PPP6R2: variants seen among roughly 807,000 people sequenced by gnomAD.
PPP6R2 encodes serine/threonine-protein phosphatase 6 regulatory subunit 2.
A neutral mutation model predicts 100.2 loss-of-function variants in PPP6R2; 62 were observed. That is an observed-to-expected ratio of 0.62 (90% CI 0.50 to 0.76). The LOEUF (loss-of-function observed/expected upper bound fraction) is 0.76, where lower values mean the gene tolerates loss of function less well. PPP6R2 is among the 30% of genes least tolerant of loss of function. PPP6R2 has a pLI of 0.00. For missense variants in PPP6R2, 1,142 were observed against 1,276.3 expected (o/e 0.89, Z 1.60); for synonymous variants, 525 against 514.7 (o/e 1.02, Z -0.27).
intron 7 of PPP6R2, 130 bp downstream of exon 7, chr22:50,419,109 C>G: frequency 1.2e-6 from 1 of 823,688 alleles, no homozygotes; most frequent in South Asian, 1.6e-5. Context: ...ACCCCAGGTT[C>G]AGAGCCCATG....
chr22:50,377,452 T>TAATA (rs10672674), intron 2 of PPP6R2, among the ~76,000 whole-genome samples: 45,563 of 151,398 alleles, frequency 0.3, 7,149 homozygotes, highest in South Asian at 0.44. Context: ...TCAATAATAA[T>TAATA]AATAATAATT....
At chr22:50,349,626 G>C (rs1373757268) in intron 1 of PPP6R2, among the ~76,000 whole-genome samples, 1 of 152,034 alleles carries the variant, frequency 6.6e-6, no homozygotes, top group Non-Finnish European at 1.5e-5. Context: ...AGGAATTCGA[G>C]ACCAGCCTGG....
At chr22:50,355,142 C>G (rs2046195549) in intron 1 of PPP6R2, among the ~76,000 whole-genome samples, 1 of 151,876 alleles carries the variant, frequency 6.6e-6, no homozygotes. Context: ...TTTGCCTGGC[C>G]CAGGATTTCA....
At chr22:50,359,217 C>CTTT (rs368586121) in intron 1 of PPP6R2, among the ~76,000 whole-genome samples, 5 of 129,178 alleles carry the variant, frequency 3.9e-5, no homozygotes, top group Admixed American at 8.0e-5. Context: ...CCAGGCTGGT[C>CTTT]TTTTTTTTTT....
At position 50,371,320 on chromosome 22, in the gene PPP6R2, G is replaced by A. The variant is rs150413877; in HGVS notation, c.-147-700G>A. 6.0e-3 allele frequency among the ~76,000 whole-genome samples: 917 copies of A among 152,016 alleles called. 5 individuals carry two copies. Among genetic ancestry groups the A allele is most frequent in the South Asian group, 0.017 (80 of 4,818 alleles). ...TGAACTGGGTGTCTGCACTAAGTTC[G>A]GCATCAGTATGGTGACCTCCCAGAA... On this transcript the variant is annotated intron_variant, in intron 1 of 23. Transcript: ENST00000612753.
At chr22:50,335,925 C>G in the PPP6R2 span, among the ~76,000 whole-genome samples, 1 of 147,342 alleles carries the variant, frequency 6.8e-6, no homozygotes, top group African/African-American at 2.6e-5. Flanking sequence ...ATCCGCCTGC[C>G]TTGGCCTCCC....
chr22:50,342,219 G>C (rs559581228), upstream of PPP6R2, among the ~76,000 whole-genome samples: 27 of 152,340 alleles, frequency 1.8e-4, no homozygotes, highest in African/African-American at 6.0e-4. Flanking sequence ...ATAGCCTGCT[G>C]AACGCAGGGT....
the PPP6R2 span, among the ~76,000 whole-genome samples, chr22:50,333,136 C>T: frequency 1.3e-5 from 2 of 151,946 alleles, no homozygotes; most frequent in African/African-American, 4.8e-5. Flanking sequence ...GAGACCTCAT[C>T]TCTAAATAAA....
chr22:50,339,382 A>G (rs1391976929), upstream of PPP6R2, among the ~76,000 whole-genome samples: 44 of 57,756 alleles, frequency 7.6e-4, no homozygotes, highest in East Asian at 0.015. Context: ...TGCGTGTGGT[A>G]TGTAGTGTGT....
At chr22:50,398,360 A>G (rs2057455493) in intron 3 of PPP6R2, among the ~76,000 whole-genome samples, 1 of 150,898 alleles carries the variant, frequency 6.6e-6, no homozygotes, top group Non-Finnish European at 1.5e-5. Context: ...TTTAGTAGAG[A>G]CAGGGTTTCA....
rs1262843585 is a variant in PPP6R2 at position 50,423,938 on chromosome 22, A to G, written c.1125+324A>G. ...CTCATGTTCTGACTGAACAACATAG[A>G]ACTTACACGGTGGTTATTAGGTATA... is the stretch of plus-strand genomic sequence containing the variant. On this transcript the variant is annotated intron_variant, in intron 10 of 23. Coordinates refer to ENST00000612753, the MANE Select transcript of PPP6R2 (RefSeq NM_001242898.2). The surrounding 1 kb of genome is among the most constrained non-coding windows in gnomAD (Gnocchi z 4.8). Among the ~76,000 whole-genome samples the G allele has an allele frequency of 6.6e-6, 1 of 152,246 alleles. No homozygotes were observed. Among genetic ancestry groups the G allele is most frequent in the African/African-American group, 2.4e-5 (1 of 41,468 alleles).
At chr22:50,397,099 A>C (rs1304767032) in intron 3 of PPP6R2, among the ~76,000 whole-genome samples, 1 of 152,172 alleles carries the variant, frequency 6.6e-6, no homozygotes, top group East Asian at 1.9e-4. Context: ...TTTGGGAGAA[A>C]TCAGTAGTAG....
intron 3 of PPP6R2, among the ~76,000 whole-genome samples, chr22:50,396,132 G>C (rs978381605): frequency 2.0e-5 from 3 of 147,506 alleles, no homozygotes; most frequent in Non-Finnish European, 4.4e-5. Context: ...GGAGGTGGAG[G>C]TTGCAGTGAG....
At chr22:50,343,191 G>T (rs1336288437), upstream of PPP6R2, 4 of 151,598 alleles carry the variant, frequency 2.6e-5, no homozygotes, top group East Asian at 1.9e-4. Context: ...GGGTTTCACC[G>T]AGTGCCCCAC....
intron 2 of PPP6R2, among the ~76,000 whole-genome samples, chr22:50,380,769 C>G (rs1232899009): frequency 6.6e-6 from 1 of 150,772 alleles, no homozygotes; most frequent in Non-Finnish European, 1.5e-5. Context: ...GCGGGTGGAT[C>G]ACGAGGTCAG....
chr22:50,436,290 C>T, intron 13 of PPP6R2, 77 bp from the exon 14 acceptor site: 3 of 1,350,812 alleles, frequency 2.2e-6, no homozygotes, highest in Non-Finnish European at 2.1e-6. Flanking sequence ...CCAGGATGCA[C>T]CTGCCGGAGC....
At chr22:50,362,466 TCTC>T (rs1179115768) in intron 1 of PPP6R2, among the ~76,000 whole-genome samples, 1 of 152,170 alleles carries the variant, frequency 6.6e-6, no homozygotes, top group Non-Finnish European at 1.5e-5. Flanking sequence ...CGTCAGCTCT[TCTC>T]AGCCCGTCGC....
chr22:50,371,461 T>TCTC (rs2148515001), intron 1 of PPP6R2, among the ~76,000 whole-genome samples: 1 of 151,414 alleles, frequency 6.6e-6, no homozygotes, highest in South Asian at 2.1e-4. Flanking sequence ...TAGCTACTGC[T>TCTC]CTCCACCCTG....
At chr22:50,419,873 C>T (rs1336974920) in intron 8 of PPP6R2, among the ~76,000 whole-genome samples, 1 of 152,260 alleles carries the variant, frequency 6.6e-6, no homozygotes, top group African/African-American at 2.4e-5. Context: ...CTGGCCCTCA[C>T]AGGGCAGGGG....
Sources: allele counts gnomAD v4.1 joint callset (sites outside exome capture counted in the v4.1 genomes callset), GRCh38; gene constraint gnomAD v4.1.1; non-coding constraint Gnocchi (gnomAD v3.1); transcripts MANE v1.5; gene names NCBI Gene and HGNC (gene_info 2026-07-23, HGNC 2026-07-21).